TFDP2: variants seen among roughly 807,000 people sequenced by gnomAD.
TFDP2 encodes the protein transcription factor Dp-2 (E2F dimerization partner 2).
Under a neutral mutation model 59.3 loss-of-function variants are expected in TFDP2, and 17 were observed. That is an observed-to-expected ratio of 0.29 (90% CI 0.20 to 0.43). The LOEUF (loss-of-function observed/expected upper bound fraction) is 0.43. Among genes scored for constraint, TFDP2 ranks in the 20% least tolerant of loss-of-function variants. TFDP2 has a pLI of 1.00. For synonymous variants in TFDP2, 180 were observed against 194.7 expected (o/e 0.92, Z 0.63); for missense variants, 391 against 528.8 (o/e 0.74, Z 2.56).
intron 1 of TFDP2, among the ~76,000 whole-genome samples, chr3:142,125,785 T>C (rs1357993977): frequency 3.9e-5 from 6 of 152,186 alleles, no homozygotes; most frequent in Admixed American, 3.9e-4. Context: ...ACATTTTAAT[T>C]TTCTTTTCTT....
At chr3:142,032,980 G>A (rs1946509737) in intron 3 of TFDP2, among the ~76,000 whole-genome samples, 1 of 152,106 alleles carries the variant, frequency 6.6e-6, no homozygotes, top group African/African-American at 2.4e-5. Flanking sequence ...TGGATCACCT[G>A]AGGTCAGGAG....
intron 1 of TFDP2, among the ~76,000 whole-genome samples, chr3:142,142,208 T>TCCACAAGAAAAGTATTATTAATA (rs2062986800): frequency 6.6e-6 from 1 of 151,958 alleles, no homozygotes; most frequent in Non-Finnish European, 1.5e-5. Flanking sequence ...ACCTAAAGAC[T>TCCACAAGAAAAGTATTATTAATA]CCACAAGAAA....
intron 1 of TFDP2, among the ~76,000 whole-genome samples, chr3:142,145,838 C>T (rs376457225): frequency 3.3e-5 from 5 of 152,122 alleles, no homozygotes; most frequent in East Asian, 1.9e-4. Flanking sequence ...GTAAAGAAAA[C>T]GAAGCATATA....
rs1406186030 is a variant in TFDP2, at chr3:141,995,840, G to A, written c.187-699C>T. Among the ~76,000 whole-genome samples the A allele has an allele frequency of 9.1e-5, 12 of 131,764 alleles. No homozygotes were observed. In the East Asian group the frequency reaches 2.0e-3, roughly 22 times the overall value. The allele number at this position is 131,764 out of a possible 152,430, so 86.4% of individuals were successfully genotyped here. ...GGAAGTTGCAGTGAGTTGAGATCAC[G>A]CCACTGCACTCCAGCCTGGGCAAAA... On this transcript the variant is annotated intron_variant, in intron 4 of 12. Coordinates refer to ENST00000489671, the MANE Select transcript of TFDP2 (RefSeq NM_001178139.2).
intron 11 of TFDP2, among the ~76,000 whole-genome samples, chr3:141,955,776 A>G (rs1296114250): frequency 1.4e-4 from 21 of 152,202 alleles, no homozygotes; most frequent in Admixed American, 1.2e-3. Context: ...AAAATAAACA[A>G]AAGAAAGCAA....
intron 3 of TFDP2, among the ~76,000 whole-genome samples, chr3:142,070,818 C>T (rs961079191): frequency 1.3e-5 from 2 of 152,124 alleles, no homozygotes; most frequent in Non-Finnish European, 2.9e-5. Flanking sequence ...TATATTCTTG[C>T]TCCTGGTACA....
chr3:142,111,407 G>A (rs1479247292), intron 1 of TFDP2, among the ~76,000 whole-genome samples: 3 of 130,846 alleles, frequency 2.3e-5, no homozygotes, highest in East Asian at 2.2e-4. Flanking sequence ...CGGCCTGGCC[G>A]ACAGAGTTAG....
chr3:141,968,659 T>TATATAACACATATATATCTCATATATAG, intron 9 of TFDP2, among the ~76,000 whole-genome samples: 1 of 113,220 alleles, frequency 8.8e-6, no homozygotes, highest in Non-Finnish European at 1.6e-5. Flanking sequence ...TATATAGATA[T>TATATAACACATATATATCTCATATATAG]ATATAACACA....
At position 142,096,865 on chromosome 3, in the gene TFDP2, C is replaced by A. The variant is rs75655588; in HGVS notation, c.16-3738G>T. 7.2e-3 allele frequency among the ~76,000 whole-genome samples: 1,101 copies of A among 152,230 alleles called. 14 individuals are homozygous for A. The highest frequency in any genetic ancestry group is 0.025 in the African/African-American group (1,018 of 41,546). On this transcript the variant is annotated intron_variant, in intron 2 of 12. Coordinates refer to ENST00000489671, the MANE Select transcript of TFDP2 (RefSeq NM_001178139.2). ...GGAATGATAGAACGTATGTGCAAGA[C>A]AAACTAAAGAGCTCATAGGATCGAG...
At chr3:142,133,929 A>G (rs1019194717) in intron 1 of TFDP2, among the ~76,000 whole-genome samples, 4 of 151,860 alleles carry the variant, frequency 2.6e-5, no homozygotes, top group African/African-American at 9.7e-5. Context: ...GGTGGCTCAC[A>G]ACTGTAAGGC....
chr3:142,136,531 T>C (rs1164543721), intron 1 of TFDP2, among the ~76,000 whole-genome samples: 1 of 152,128 alleles, frequency 6.6e-6, no homozygotes, highest in African/African-American at 2.4e-5. Flanking sequence ...CTAGGTTTTC[T>C]TCTAGGGTTT....
intron 1 of TFDP2, among the ~76,000 whole-genome samples, chr3:142,136,838 G>A (rs1387096605): frequency 3.3e-5 from 5 of 151,976 alleles, no homozygotes; most frequent in Admixed American, 2.6e-4. Flanking sequence ...CTCCAGCTTC[G>A]TTCTTTTTGC....
At position 141,952,464 on chromosome 3, in the gene TFDP2, A is replaced by G; in HGVS notation, c.*49T>C. 6.8e-7 allele frequency: 1 copy of G among 1,470,728 alleles called. No individual in the cohort carries two copies. The highest frequency in any genetic ancestry group is 1.4e-5 in the African/African-American group (1 of 69,496). 91.1% of individuals were successfully genotyped at this position (1,470,728 alleles called of 1,614,324 possible). On this transcript the variant is annotated 3_prime_UTR_variant, in exon 13 of 13. Transcript: ENST00000489671. Reference sequence around the variant, plus strand: ...CATTTCAAAAACAAGAGCTCACACTACAAACACACATGAGCATCACATATT... The same window carrying G: ...CATTTCAAAAACAAGAGCTCACACTGCAAACACACATGAGCATCACATATT...
At chr3:142,000,356 T>G (rs76506018) in intron 4 of TFDP2, 2 of 702,266 alleles carry the variant, frequency 2.8e-6, no homozygotes, top group East Asian at 5.4e-5. Flanking sequence ...GGTTGCATCC[T>G]AATAGCAGAA....
At chr3:142,096,934 A>G (rs902264773) in intron 2 of TFDP2, among the ~76,000 whole-genome samples, 4 of 152,228 alleles carry the variant, frequency 2.6e-5, no homozygotes, top group African/African-American at 9.6e-5. Flanking sequence ...GCAAAAATAT[A>G]TCTATTAATA....
intron 2 of TFDP2, among the ~76,000 whole-genome samples, chr3:142,096,026 T>C (rs1319293952): frequency 3.3e-5 from 5 of 152,218 alleles, no homozygotes; most frequent in African/African-American, 1.2e-4. Flanking sequence ...GGGTTACCGT[T>C]ATGCTTAAAC....
At chr3:142,060,813 A>G (rs973615203) in intron 3 of TFDP2, among the ~76,000 whole-genome samples, 3 of 152,226 alleles carry the variant, frequency 2.0e-5, no homozygotes, top group African/African-American at 4.8e-5. Flanking sequence ...AAAGTAACAC[A>G]AACATCTGGG....
intron 3 of TFDP2, among the ~76,000 whole-genome samples, chr3:142,078,477 CAG>C (rs1271521906): frequency 6.6e-6 from 1 of 152,212 alleles, no homozygotes; most frequent in African/African-American, 2.4e-5. Context: ...GAAAGATAAT[CAG>C]AGTTTCTGCC....
intron 3 of TFDP2, among the ~76,000 whole-genome samples, chr3:142,073,457 AC>A (rs34003718): frequency 0.087 from 1,221 of 14,026 alleles, 162 homozygotes; most frequent in African/African-American, 0.12. Flanking sequence ...CAAACAAACA[AC>A]CCCCCCCCCC....
Sources: allele counts gnomAD v4.1 joint callset (sites outside exome capture counted in the v4.1 genomes callset), GRCh38; gene constraint gnomAD v4.1.1; transcripts MANE v1.5; gene names NCBI Gene and HGNC (gene_info 2026-07-23, HGNC 2026-07-21).